ZFHX3: variants seen among roughly 807,000 people sequenced by gnomAD.
ZFHX3 encodes the protein zinc finger homeobox 3, also known as zinc finger homeobox protein 3.
Under a neutral mutation model 279.1 loss-of-function variants are expected in ZFHX3, and 42 were observed. The observed-to-expected ratio is 0.15, with a 90% CI of 0.12 to 0.19. ZFHX3 has a LOEUF of 0.19. ZFHX3 is among the 10% of genes least tolerant of loss of function. The probability of loss-of-function intolerance (pLI) is 1.00; values close to 1 mark genes in which losing one functional copy is unlikely to be tolerated. For synonymous variants in ZFHX3, 2,293 were observed against 1,957.8 expected (o/e 1.17, Z -4.52); for missense variants, 4,981 against 4,754.0 (o/e 1.05, Z -1.40).
At chr16:72,820,640 C>G (rs1467145054) in intron 5 of ZFHX3, among the ~76,000 whole-genome samples, 1 of 152,144 alleles carries the variant, frequency 6.6e-6, no homozygotes, top group Non-Finnish European at 1.5e-5. Context: ...TTGGTTCCCC[C>G]AAAATATGCT....
chr16:73,600,479 G>A (rs1050315538), intron 2 of ZFHX3, among the ~76,000 whole-genome samples: 6 of 148,478 alleles, frequency 4.0e-5, no homozygotes, highest in African/African-American at 1.0e-4. Context: ...GTGCAGTGGC[G>A]CAATCTCCAC....
At chr16:73,460,301 GCT>G (rs2018451419) in intron 2 of ZFHX3, among the ~76,000 whole-genome samples, 1 of 152,034 alleles carries the variant, frequency 6.6e-6, no homozygotes, top group Admixed American at 6.5e-5. Context: ...TCAATTGTTT[GCT>G]CTTTTTTATT....
chr16:73,623,743 A>G (rs1299897808), intron 2 of ZFHX3, among the ~76,000 whole-genome samples: 2 of 152,198 alleles, frequency 1.3e-5, no homozygotes, highest in Non-Finnish European at 2.9e-5. Flanking sequence ...GGGGAGGGGA[A>G]AATATAACAT....
chr16:73,692,339 G>A (rs2053157228), intron 1 of ZFHX3, among the ~76,000 whole-genome samples: 2 of 152,122 alleles, frequency 1.3e-5, no homozygotes, highest in African/African-American at 4.8e-5. Context: ...GGGAGCTACA[G>A]AAGAGAACCC....
chr16:73,327,884 A>G (rs945901321), intron 3 of ZFHX3, among the ~76,000 whole-genome samples: 7 of 152,136 alleles, frequency 4.6e-5, no homozygotes, highest in Admixed American at 2.0e-4. Flanking sequence ...CTGGCCTGGA[A>G]TGCCTCAATT....
intron 1 of ZFHX3, among the ~76,000 whole-genome samples, chr16:73,789,086 G>C (rs995089010): frequency 4.7e-5 from 7 of 150,368 alleles, no homozygotes; most frequent in Non-Finnish European, 8.9e-5. Context: ...CTTATAAATA[G>C]ACAACATATA....
intron 3 of ZFHX3, among the ~76,000 whole-genome samples, chr16:73,437,908 G>A (rs2018023182): frequency 6.6e-6 from 1 of 152,150 alleles, no homozygotes; most frequent in African/African-American, 2.4e-5. Flanking sequence ...CTCTTCTGTA[G>A]TCTTTCTTAT....
At chr16:73,488,240 G>C (rs890659921) in intron 2 of ZFHX3, among the ~76,000 whole-genome samples, 2 of 152,194 alleles carry the variant, frequency 1.3e-5, no homozygotes, top group Admixed American at 1.3e-4. Context: ...CCATCCTTTA[G>C]GGCTGGCTGA....
chr16:72,793,261 T>G lies in ZFHX3; in HGVS notation c.9421A>C (p.Asn3141His), dbSNP rs756311070. The G allele has an allele frequency of 9.3e-6, 15 of 1,612,008 alleles. No individual in the cohort carries two copies. Among genetic ancestry groups the G allele is most frequent in the Non-Finnish European group, 1.3e-5 (15 of 1,178,852 alleles). ...SPSLPGFTPS[N>H]TALTSPKPNL... The stretch of plus-strand genomic sequence containing the variant: ...CGCCTAGAGCAGAACCCACCTGTGT[T>G]GGATGGAGTAAAGCCTGGCAAGGAG... The change falls in exon 9 of 10, where the codon AAC becomes CAC. Residue 3141 changes from asparagine to histidine, a missense_variant. Coordinates refer to ENST00000268489, the MANE Select transcript of ZFHX3 (RefSeq NM_006885.4). The surrounding 1 kb of genome is among the most constrained non-coding windows in gnomAD (Gnocchi z 4.3).
At chr16:73,250,754 TC>T (rs1360908160) in intron 5 of ZFHX3, among the ~76,000 whole-genome samples, 2 of 152,148 alleles carry the variant, frequency 1.3e-5, no homozygotes, top group African/African-American at 4.8e-5. Context: ...CAGGATGGTC[TC>T]CATCTCCTGA....
At chr16:73,436,369 G>A (rs1220122811) in intron 3 of ZFHX3, among the ~76,000 whole-genome samples, 2 of 152,122 alleles carry the variant, frequency 1.3e-5, no homozygotes, top group African/African-American at 4.8e-5. Flanking sequence ...GGCTGGGGAG[G>A]CCTCACAATC....
intron 2 of ZFHX3, among the ~76,000 whole-genome samples, chr16:73,565,053 G>A (rs933060238): frequency 9.9e-5 from 15 of 152,160 alleles, no homozygotes; most frequent in African/African-American, 2.9e-4. Context: ...AAGAGATTGC[G>A]AAGAGCATGG....
In ZFHX3 at chr16:73,671,412, GGC is replaced by G. The variant is rs1316316519; in HGVS notation, c.-1547+8766_-1547+8767del. Among the ~76,000 whole-genome samples, 2 of 152,178 alleles carry G rather than the reference GGC, an allele frequency of 1.3e-5. 1 individual carries two copies. Among genetic ancestry groups the G allele is most frequent in the African/African-American group, 4.8e-5 (2 of 41,444 alleles). ...GAGCTGAGATGAGCAGAGAAACACA[GGC>G]AGATAAAGATGAACCATCACCACCT... On this transcript the variant is annotated intron_variant, in intron 2 of 17. Transcript: ENST00000641206.
chr16:73,811,724 C>A (rs1456850899), intron 1 of ZFHX3, among the ~76,000 whole-genome samples: 2 of 152,114 alleles, frequency 1.3e-5, no homozygotes, highest in Non-Finnish European at 2.9e-5. Context: ...GGATTATAGG[C>A]ATGAGCCACC....
At chr16:73,171,493 C>CG (rs1055671748) in intron 5 of ZFHX3, among the ~76,000 whole-genome samples, 1,972 of 9,416 alleles carry the variant, frequency 0.21, 25 homozygotes, top group Middle Eastern at 0.28. Context: ...CAGAAAATGG[C>CG]GGGGGGGGCG....
Position 72,889,897 on chromosome 16 carries a change from G to C in ZFHX3, c.3282C>G (p.Asn1094Lys), listed in dbSNP as rs767621336. 3.1e-6 allele frequency: 5 copies of C among 1,614,202 alleles called. No individual in the cohort carries two copies. Among genetic ancestry groups the C allele is most frequent in the Non-Finnish European group, 1.7e-6 (2 of 1,180,054 alleles). ...GGTTGAGCTTGGCCTTGGTGGAGTA[G>C]TTGCACAGAACGCAGTGGTAGTAGC... The part of the protein sequence containing the change: ...ESCYYHCVLC[N>K]YSTKAKLNLI... Residue 1094 changes from asparagine to lysine, a missense_variant, in exon 4 of 10, where the codon AAC becomes AAG. Physicochemically the swap from Asn to Lys is moderately conservative, Grantham distance 94. Around this residue, in one of 7 missense-constraint regions of ZFHX3, gnomAD observed 1,751 missense variants for 1,770.0 expected, o/e 0.99. Transcript: ENST00000268489.
At chr16:73,850,959 G>A (rs1246807291) in intron 1 of ZFHX3, among the ~76,000 whole-genome samples, 2 of 152,068 alleles carry the variant, frequency 1.3e-5, no homozygotes, top group Non-Finnish European at 2.9e-5. Flanking sequence ...GATCTCTGGG[G>A]CAAAACATAA....
chr16:73,328,908 C>A (rs950601025), intron 3 of ZFHX3, among the ~76,000 whole-genome samples: 5 of 152,196 alleles, frequency 3.3e-5, no homozygotes, highest in Non-Finnish European at 7.3e-5. Context: ...AGTGCAAATC[C>A]ATGCTGCTCT....
At chr16:73,494,117 G>C (rs191784715) in intron 2 of ZFHX3, among the ~76,000 whole-genome samples, 31 of 152,200 alleles carry the variant, frequency 2.0e-4, no homozygotes, top group Non-Finnish European at 1.0e-4. Flanking sequence ...AGGTGCAGTT[G>C]GCACGACTGC....
Sources: gnomAD v4.1 joint callset for allele counts (sites outside exome capture counted in the v4.1 genomes callset) on GRCh38, gnomAD v4.1.1 for gene constraint, gnomAD v4.1.1 regional missense constraint, Gnocchi (gnomAD v3.1) non-coding constraint, MANE v1.5 for transcripts, NCBI Gene and HGNC (gene_info 2026-07-23, HGNC 2026-07-21) for gene names.